Variants in TBL1X observed in about 807,000 individuals in gnomAD.
TBL1X encodes F-box-like/WD repeat-containing protein TBL1X.
TBL1X carries 10 observed loss-of-function variants against 50.7 expected under a neutral mutation model. The observed-to-expected ratio is 0.20, with a 90% CI of 0.12 to 0.33. The LOEUF is 0.33. Ranked by LOEUF, TBL1X falls within the 10% of genes least tolerant of loss-of-function variation. The pLI is 1.00. For missense variants in TBL1X, 340 were observed against 504.4 expected (o/e 0.67, Z 3.12); for synonymous variants, 190 against 214.7 (o/e 0.88, Z 1.01).
At chrX:9,545,143 A>G (rs903835754) in intron 2 of TBL1X, among the ~76,000 whole-genome samples, 1 of 107,394 alleles carries the variant, frequency 9.3e-6, no homozygotes, top group Non-Finnish European at 1.9e-5. Context: ...AGTAGCTGGG[A>G]TTACAGGTAC....
intron 2 of TBL1X, among the ~76,000 whole-genome samples, chrX:9,602,464 A>G (rs1025622546): frequency 6.3e-5 from 7 of 110,568 alleles, no homozygotes; most frequent in Non-Finnish European, 1.1e-4. Flanking sequence ...TGTATCCCTT[A>G]GAAGCCCTTC....
intron 1 of TBL1X, among the ~76,000 whole-genome samples, chrX:9,465,940 G>A (rs867346005): frequency 1.8e-5 from 2 of 113,171 alleles, no homozygotes; most frequent in Middle Eastern, 9.2e-3. Context: ...TCCCGGACCC[G>A]GGTGGAAGCG....
At chrX:9,483,107 A>G (rs894644580) in intron 1 of TBL1X, among the ~76,000 whole-genome samples, 1 of 111,248 alleles carries the variant, frequency 9.0e-6, no homozygotes, top group African/African-American at 3.3e-5. Context: ...GTGCAGAGGA[A>G]GGTCCCCTCC....
chrX:9,674,638 C>T (rs1216522219), intron 5 of TBL1X, among the ~76,000 whole-genome samples: 6 of 86,520 alleles, frequency 6.9e-5, no homozygotes, highest in Admixed American at 1.6e-4. Context: ...CATGGCTCAC[C>T]GTAGCCTCAG....
In TBL1X at chrX:9,666,170, C is replaced by A. The variant is rs755901715; in HGVS notation, c.211+11848C>A. On this transcript the variant is annotated intron_variant, in intron 5 of 17. Coordinates refer to ENST00000645353, the MANE Select transcript of TBL1X (RefSeq NM_005647.4). Reference sequence around the variant, plus strand: ...CCAAGATGTCATATAAAAATGGGACCCTTAATTTGGGGGATCTGTTTTTGC... The same window carrying A: ...CCAAGATGTCATATAAAAATGGGACACTTAATTTGGGGGATCTGTTTTTGC... 6.3e-5 allele frequency among the ~76,000 whole-genome samples: 7 copies of A among 111,667 alleles called. No homozygotes were observed. The South Asian group carries it at 2.6e-3, about 42-fold the overall frequency.
intron 3 of TBL1X, among the ~76,000 whole-genome samples, chrX:9,646,032 T>C (rs902832363): frequency 1.1e-4 from 12 of 112,821 alleles, no homozygotes; most frequent in African/African-American, 3.9e-4. Context: ...CCTAAGCCTT[T>C]ATTTGTTAAA....
chrX:9,577,343 T>A (rs1436896989), intron 2 of TBL1X, among the ~76,000 whole-genome samples: 2 of 112,052 alleles, frequency 1.8e-5, no homozygotes, highest in Admixed American at 1.9e-4. Context: ...CAGTCTGGCT[T>A]GATGGATAAC....
intron 2 of TBL1X, among the ~76,000 whole-genome samples, chrX:9,597,695 G>A (rs1246714391): frequency 8.9e-6 from 1 of 112,510 alleles, no homozygotes; most frequent in Non-Finnish European, 1.9e-5. Context: ...AGCCATGCGT[G>A]TCCTTTAGGA....
rs908460091 is a variant in TBL1X, at chrX:9,717,260, T to A, written c.*1014T>A. On this transcript the variant is annotated 3_prime_UTR_variant, in exon 18 of 18. Coordinates refer to ENST00000645353, the MANE Select transcript of TBL1X (RefSeq NM_005647.4). ...CCTGGAGTATTTTTGGAAAAAAAAATAATATTTTTATGTTAAAACAATTTT... is the reference window on the plus strand; with the variant it reads ...CCTGGAGTATTTTTGGAAAAAAAAAAAATATTTTTATGTTAAAACAATTTT... 6 of 110,768 alleles carry A rather than the reference T, an allele frequency of 5.4e-5. No homozygotes were observed. The highest frequency in any genetic ancestry group is 4.7e-3 in the Middle Eastern group (1 of 215). The allele number at this position is 110,768 out of a possible 1,213,427, so 9.1% of individuals were successfully genotyped here. A position where few individuals can be genotyped will look rare whatever the true frequency, so the allele number is the denominator to read the frequency against.
At chrX:9,657,770 A>G (rs931736760) in intron 5 of TBL1X, among the ~76,000 whole-genome samples, 3 of 112,652 alleles carry the variant, frequency 2.7e-5, no homozygotes, top group Non-Finnish European at 5.6e-5. Flanking sequence ...CAGCAGACTC[A>G]TGGCAGTCTG....
At chrX:9,469,672 C>G (rs1443458586) in intron 1 of TBL1X, among the ~76,000 whole-genome samples, 1 of 112,382 alleles carries the variant, frequency 8.9e-6, no homozygotes, top group Non-Finnish European at 1.9e-5. Flanking sequence ...AGTCTTGACA[C>G]ATGCATAGAT....
At chrX:9,564,427 G>C (rs1248594931) in intron 2 of TBL1X, among the ~76,000 whole-genome samples, 6 of 62,795 alleles carry the variant, frequency 9.6e-5, no homozygotes, top group African/African-American at 2.5e-4. Context: ...GTACAGACTA[G>C]AGCAGGAGAC....
chrX:9,579,771 A>G (rs2082430533), intron 2 of TBL1X, among the ~76,000 whole-genome samples: 1 of 110,640 alleles, frequency 9.0e-6, no homozygotes, highest in Non-Finnish European at 1.9e-5. Context: ...TTGACACACT[A>G]CCTTTTCATT....
intron 1 of TBL1X, among the ~76,000 whole-genome samples, chrX:9,482,349 C>G (rs979467158): frequency 9.0e-6 from 1 of 111,609 alleles, no homozygotes; most frequent in African/African-American, 3.3e-5. Flanking sequence ...TTTTCCGTGT[C>G]TATGGAAATG....
chrX:9,503,996 A>G (rs1001942538), intron 2 of TBL1X, among the ~76,000 whole-genome samples: 1 of 111,856 alleles, frequency 8.9e-6, no homozygotes, highest in Non-Finnish European at 1.9e-5. Flanking sequence ...AGACCCTTCA[A>G]CAGGGCTTGT....
chrX:9,486,249 T>A (rs1051661737), intron 1 of TBL1X, among the ~76,000 whole-genome samples: 19 of 109,406 alleles, frequency 1.7e-4, no homozygotes, highest in East Asian at 8.6e-4. Context: ...CTTTTTTTTT[T>A]TTATTATTGA....
At chrX:9,564,144 G>A (rs1412616233) in intron 2 of TBL1X, among the ~76,000 whole-genome samples, 2 of 112,486 alleles carry the variant, frequency 1.8e-5, no homozygotes, top group Non-Finnish European at 3.8e-5. Flanking sequence ...TTTGGGCCGG[G>A]CGTGGTGGCT....
At position 9,714,886 on chromosome X, in the gene TBL1X, C is replaced by T. The variant is rs2083268920; in HGVS notation, c.1606-16C>T. ...GCGCCCCTTGCGTTGTAAGTGACAG[C>T]TGCTTTGCTTTGCAGAGTGGAAATC... On this transcript the variant is annotated splice_polypyrimidine_tract_variant and intron_variant, in intron 16 of 17. Transcript: ENST00000645353. 3.3e-6 allele frequency: 4 copies of T among 1,205,417 alleles called. No individual in the cohort carries two copies. The African/African-American group carries it at 7.0e-5, about 21-fold the overall frequency.
intron 5 of TBL1X, among the ~76,000 whole-genome samples, chrX:9,676,208 G>A (rs946853602): frequency 1.8e-5 from 2 of 112,302 alleles, no homozygotes; most frequent in African/African-American, 6.5e-5. Context: ...GGACATGAGC[G>A]TCTCTGCACC....
Sources: allele counts gnomAD v4.1 joint callset (sites outside exome capture counted in the v4.1 genomes callset), GRCh38; gene constraint gnomAD v4.1.1; transcripts MANE v1.5; gene names NCBI Gene and HGNC (gene_info 2026-07-23, HGNC 2026-07-21).